The following DCP1A variants were observed in gnomAD, a reference collection of about 807,000 sequenced individuals.
DCP1A encodes decapping mRNA 1A, also known as mRNA-decapping enzyme 1A.
In DCP1A, 20 loss-of-function variants were observed where a neutral mutation model predicts 58.0. That is an observed-to-expected ratio of 0.34 (90% CI 0.24 to 0.50). DCP1A has a LOEUF of 0.50. Among genes scored for constraint, DCP1A ranks in the 20% least tolerant of loss-of-function variants. DCP1A has a pLI of 0.98. For missense variants in DCP1A, 613 were observed against 712.2 expected, an observed-to-expected ratio of 0.86 and a Z score of 1.59; for synonymous variants, 285 against 275.1, an observed-to-expected ratio of 1.04 and a Z score of -0.36.
intron 6 of DCP1A, among the ~76,000 whole-genome samples, chr3:53,302,784 C>T (rs782676294): frequency 1.6e-4 from 24 of 151,792 alleles, no homozygotes; most frequent in African/African-American, 2.2e-4. Context: ...TTACCACACC[C>T]GGCTAATTTT....
At chr3:53,300,206 C>T (rs952889897) in intron 6 of DCP1A, among the ~76,000 whole-genome samples, 1 of 152,046 alleles carries the variant, frequency 6.6e-6, no homozygotes, top group Non-Finnish European at 1.5e-5. Context: ...TGAAAAATGA[C>T]GGAATAACAC....
chr3:53,292,969 A>AC, intron 6 of DCP1A, 142 bp from the exon 7 acceptor site: 1 of 849,850 alleles, frequency 1.2e-6, no homozygotes, highest in Non-Finnish European at 1.8e-6. Flanking sequence ...CTGAAGATAT[A>AC]CTAAGGATTA....
chr3:53,292,119 T>C lies in DCP1A; in HGVS notation c.1333A>G (p.Arg445Gly). The C allele has an allele frequency of 6.2e-7, 1 of 1,612,648 alleles. No individual in the cohort carries two copies. The highest frequency in any genetic ancestry group is 8.5e-7 in the Non-Finnish European group (1 of 1,179,252). ...IEPPSKTAAA[R>G]VAASASLSNM... is the part of the protein sequence containing the mutation. ...CTCAGGGAGGCTGAGGCCGCCACTC[T>C]TGCTGCTGCTGTCTTAGAGGGAGGC... Residue 445 changes from arginine (R) to glycine (G), a missense_variant, in exon 7 of 10, where the codon AGA (arginine) becomes GGA (glycine). Physicochemically the swap from Arg to Gly is moderately radical, Grantham distance 125 (BLOSUM62 -2). This residue lies in a region of DCP1A where 498 missense variants were observed against 556.7 expected (regional missense o/e 0.89). Transcript: ENST00000610213.
At chr3:53,308,884 A>G (rs2106829272) in intron 5 of DCP1A, among the ~76,000 whole-genome samples, 1 of 152,272 alleles carries the variant, frequency 6.6e-6, no homozygotes, top group East Asian at 1.9e-4. Flanking sequence ...TATGGGCATG[A>G]GTCACTGTGT....
At chr3:53,341,377 T>C (rs7649934) in intron 3 of DCP1A, among the ~76,000 whole-genome samples, 111,117 of 151,952 alleles carry the variant, frequency 0.73, 41,024 homozygotes, top group Middle Eastern at 0.77. Context: ...AGGGCATGAA[T>C]CCGGGAGGCA....
At chr3:53,326,802 C>T (rs1375166907) in intron 3 of DCP1A, among the ~76,000 whole-genome samples, 2 of 152,174 alleles carry the variant, frequency 1.3e-5, no homozygotes, top group African/African-American at 4.8e-5. Flanking sequence ...TTTATTACAA[C>T]ACCTATAGAA....
chr3:53,344,483 C>G (rs1212254302), intron 2 of DCP1A, among the ~76,000 whole-genome samples: 2 of 152,032 alleles, frequency 1.3e-5, no homozygotes, highest in Non-Finnish European at 2.9e-5. Context: ...GAGGACAGAA[C>G]CAGTCATAAA....
chr3:53,309,524 C>T (rs1553688427), intron 5 of DCP1A, among the ~76,000 whole-genome samples: 1 of 152,124 alleles, frequency 6.6e-6, no homozygotes, highest in African/African-American at 2.4e-5. Flanking sequence ...CTTTGGGAGG[C>T]CAAGGCGGGA....
intron 5 of DCP1A, among the ~76,000 whole-genome samples, chr3:53,309,648 G>A (rs782660433): frequency 2.0e-5 from 3 of 152,118 alleles, no homozygotes; most frequent in African/African-American, 7.2e-5. Context: ...GCCTATAGTC[G>A]TGGCTAATTG....
chr3:53,328,698 C>T (rs374617027), intron 3 of DCP1A, among the ~76,000 whole-genome samples: 14 of 152,284 alleles, frequency 9.2e-5, no homozygotes, highest in African/African-American at 2.9e-4. Flanking sequence ...CTAAGCAGCG[C>T]CTACAATGAG....
chr3:53,301,159 T>C (rs1575599116), intron 6 of DCP1A, among the ~76,000 whole-genome samples: 1 of 152,204 alleles, frequency 6.6e-6, no homozygotes, highest in Non-Finnish European at 1.5e-5. Context: ...TATGGGAAGG[T>C]AGAATACAAA....
chr3:53,327,845 G>A (rs552889570), intron 3 of DCP1A, among the ~76,000 whole-genome samples: 2 of 151,198 alleles, frequency 1.3e-5, no homozygotes, highest in Non-Finnish European at 2.9e-5. Context: ...AACAAAGGCC[G>A]GGCGTGGTGG....
At chr3:53,287,888 T>G (rs1482663271) in intron 9 of DCP1A, among the ~76,000 whole-genome samples, 177 bp downstream of exon 9, 7 of 147,296 alleles carry the variant, frequency 4.8e-5, no homozygotes, top group Non-Finnish European at 7.5e-5. Context: ...TCTGTTTTTG[T>G]TTTTTTTTTG....
intron 4 of DCP1A, among the ~76,000 whole-genome samples, chr3:53,316,237 AAAC>A (rs1284386622): frequency 3.3e-5 from 5 of 152,328 alleles, no homozygotes; most frequent in African/African-American, 4.8e-5. Context: ...AATATGTAGC[AAAC>A]AACAACAACA....
chr3:53,347,306 C>T, intron 1 of DCP1A, 77 bp downstream of exon 1: 3 of 1,412,324 alleles, frequency 2.1e-6, no homozygotes, highest in Non-Finnish European at 2.8e-6. Context: ...TGCCCCCCCA[C>T]CCCACAGTAA....
In DCP1A at chr3:53,292,214, C is replaced by T. The variant is rs781983049; in HGVS notation, c.1238G>A (p.Gly413Glu). ...AAAGCTGGCTACCATTGCACCTTTC[C>T]CAAGTGGTTGTGTCTGTATTTGGTC... Reference protein sequence around the residue: ...QHDQIQTQPLGKGAMVASFSP... With the variant: ...QHDQIQTQPLEKGAMVASFSP... Residue 413 changes from glycine (G) to glutamate (E), a missense_variant, in exon 7 of 10, where the codon GGG becomes GAG. Transcript: ENST00000610213. 3.7e-6 allele frequency: 6 copies of T among 1,614,006 alleles called. No individual in the cohort carries two copies. The East Asian group carries it at 1.3e-4, about 36-fold the overall frequency.
At chr3:53,288,507 T>C in intron 8 of DCP1A, 1 of 563,566 alleles carries the variant, frequency 1.8e-6, no homozygotes, top group South Asian at 2.2e-5. Context: ...AAGAATGTCC[T>C]AGAATCATTA....
chr3:53,347,537 C>T lies in DCP1A; in HGVS notation c.-20G>A. On this transcript the variant is annotated 5_prime_UTR_variant, in exon 1 of 10. Coordinates refer to ENST00000610213, the MANE Select transcript of DCP1A (RefSeq NM_018403.7). Reference sequence around the variant, plus strand: ...CTCCATCTTGAATCCCAGAGCCTAGCCCCTCTGGTGGGGGCGGAGTCGCGG... The same window carrying T: ...CTCCATCTTGAATCCCAGAGCCTAGTCCCTCTGGTGGGGGCGGAGTCGCGG... The T allele has an allele frequency of 6.3e-7, 1 of 1,599,536 alleles. No individual in the cohort carries two copies. The highest frequency in any genetic ancestry group is 1.1e-5 in the South Asian group (1 of 89,792).
chr3:53,346,564 T>G (rs11915147), intron 1 of DCP1A, among the ~76,000 whole-genome samples: 7 of 152,046 alleles, frequency 4.6e-5, no homozygotes, highest in Non-Finnish European at 1.0e-4. Flanking sequence ...TACAAGAAAG[T>G]GGGAAATTAT....
Sources: gnomAD v4.1 joint callset for allele counts (sites outside exome capture counted in the v4.1 genomes callset) on GRCh38, gnomAD v4.1.1 for gene constraint, gnomAD v4.1.1 regional missense constraint, MANE v1.5 for transcripts, NCBI Gene and HGNC (gene_info 2026-07-23, HGNC 2026-07-21) for gene names.